The following MYOT variants were observed in gnomAD, a reference collection of about 807,000 sequenced individuals.
MYOT encodes the protein myotilin.
A neutral mutation model predicts 58.0 loss-of-function variants in MYOT; 36 were observed. The observed-to-expected ratio is 0.62, with a 90% CI of 0.48 to 0.82. The LOEUF (loss-of-function observed/expected upper bound fraction) is 0.82. Ranked by LOEUF, MYOT falls within the 40% of genes least tolerant of loss-of-function variation. The probability of loss-of-function intolerance (pLI) is 0.00; values close to 1 mark genes in which losing one functional copy is unlikely to be tolerated. For synonymous variants in MYOT, 218 were observed against 204.6 expected (o/e 1.07, Z -0.56); for missense variants, 505 against 592.1 (o/e 0.85, Z 1.53).
intron 4 of MYOT, among the ~76,000 whole-genome samples, chr5:137,878,540 G>C (rs1755307611): frequency 6.6e-6 from 1 of 152,058 alleles, no homozygotes; most frequent in Non-Finnish European, 1.5e-5. Context: ...ATGTACAGTT[G>C]GTGGCTGGGC....
At chr5:137,879,456 C>A (rs1452833683) in intron 4 of MYOT, among the ~76,000 whole-genome samples, 1 of 149,884 alleles carries the variant, frequency 6.7e-6, no homozygotes, top group African/African-American at 2.4e-5. Context: ...AAAAATGAGA[C>A]ACAAACTCAT....
chr5:137,886,836 T>C (rs1460393608), intron 8 of MYOT, 28 bp from the exon 9 acceptor site: 1 of 1,473,972 alleles, frequency 6.8e-7, no homozygotes, highest in African/African-American at 1.4e-5. Context: ...ATTCCTGTAC[T>C]TTCATTTCTT....
At chr5:137,868,313 A>AT (rs1274352054) in intron 1 of MYOT, among the ~76,000 whole-genome samples, 4 of 152,202 alleles carry the variant, frequency 2.6e-5, no homozygotes, top group Admixed American at 1.3e-4. Context: ...AAATGTTAAG[A>AT]TTTTTTAAAA....
Position 137,870,705 on chromosome 5 carries a change from C to T in MYOT, c.54C>T (p.Gly18=). The change falls in exon 2 of 10, where the codon GGC becomes GGT. Residue 18 remains glycine (G), a synonymous_variant. Coordinates refer to ENST00000239926, the MANE Select transcript of MYOT (RefSeq NM_006790.3). ...TCATCCAGTCCCAAAACCCATGTGGCTCCAGATTGCAGCCTCCTGGACCAG... is the reference window on the plus strand; with the variant it reads ...TCATCCAGTCCCAAAACCCATGTGGTTCCAGATTGCAGCCTCCTGGACCAG... ...KHFIQSQNPC[G]SRLQPPGPET... is the part of the protein sequence containing the mutation. 6.2e-7 allele frequency: 1 copy of T among 1,614,216 alleles called. No individual in the cohort carries two copies. Among genetic ancestry groups the T allele is most frequent in the South Asian group, 1.1e-5 (1 of 91,080 alleles).
chr5:137,868,943 T>A (rs1754955876), intron 1 of MYOT, among the ~76,000 whole-genome samples: 1 of 152,220 alleles, frequency 6.6e-6, no homozygotes. Context: ...AATTAAGGAA[T>A]ATTTAACTTT....
intron 5 of MYOT, 89 bp from the exon 6 acceptor site, chr5:137,881,881 GAAA>G (rs1392153752): frequency 2.5e-6 from 3 of 1,180,062 alleles, no homozygotes; most frequent in Non-Finnish European, 3.5e-6. Context: ...AAACTCCATT[GAAA>G]AAAAAAAATT....
rs185038490 is a variant in MYOT at position 137,873,823 on chromosome 5, C to T, written c.357-2006C>T. Among the ~76,000 whole-genome samples, 347 of 152,262 alleles carry T rather than the reference C, an allele frequency of 2.3e-3. 1 individual carries two copies. The highest frequency in any genetic ancestry group is 8.0e-3 in the African/African-American group (332 of 41,548). ...CTGAATACTATGAAAATCACTCATT[C>T]ACTCAACTGATAGTATCTCCTATAC... On this transcript the variant is annotated intron_variant, in intron 2 of 9. Coordinates refer to ENST00000239926, the MANE Select transcript of MYOT (RefSeq NM_006790.3).
chr5:137,876,108 A>G, intron 3 of MYOT, 105 bp downstream of exon 3: 1 of 1,174,758 alleles, frequency 8.5e-7, no homozygotes, highest in Non-Finnish European at 1.2e-6. Flanking sequence ...TCAACAAGGA[A>G]TAAGATTATC....
chr5:137,868,583 A>G (rs1754943298), intron 1 of MYOT, among the ~76,000 whole-genome samples: 1 of 152,238 alleles, frequency 6.6e-6, no homozygotes. Context: ...ATGTAGGCCA[A>G]TATCAACATG....
intron 2 of MYOT, among the ~76,000 whole-genome samples, chr5:137,874,387 A>T (rs1247428481): frequency 6.6e-6 from 1 of 152,168 alleles, no homozygotes; most frequent in Non-Finnish European, 1.5e-5. Flanking sequence ...GAATCACCTG[A>T]ACCCGGGAGG....
rs1160052475 is a variant in MYOT, at chr5:137,882,084, A to G, written c.795A>G (p.Arg265=). 6.2e-7 allele frequency: 1 copy of G among 1,614,118 alleles called. No individual in the cohort carries two copies. The highest frequency in any genetic ancestry group is 1.3e-5 in the African/African-American group (1 of 74,956). Reference sequence around the variant, plus strand: ...AGAACATGTCGATTGATGAAGGAAGATTCTGCAGAATGGACTTCAAAGTAA... The same window carrying G: ...AGAACATGTCGATTGATGAAGGAAGGTTCTGCAGAATGGACTTCAAAGTAA... ...VPENMSIDEG[R]FCRMDFKVSG... The change falls in exon 6 of 10, where the codon AGA becomes AGG. Residue 265 remains arginine (R), a synonymous_variant. Transcript: ENST00000239926.
In MYOT at chr5:137,877,702, C is replaced by T. The variant is rs1755277747; in HGVS notation, c.633+81C>T. 3.5e-5 allele frequency: 36 copies of T among 1,028,966 alleles called. 1 individual carries two copies. In the South Asian group the frequency reaches 4.4e-4, roughly 13 times the overall value. The allele number at this position is 1,028,966 out of a possible 1,614,324, so 63.7% of individuals were successfully genotyped here. A position where few individuals can be genotyped will look rare whatever the true frequency, so the allele number is the denominator to read the frequency against. ...TGCTTTTCTAAATGCTTATAAATAG[C>T]ATCTGAAATAAAAGTCGGTCAGTTC... On this transcript the variant is annotated intron_variant, in intron 4 of 9. Transcript: ENST00000239926.
chr5:137,877,936 A>G (rs1156256014), intron 4 of MYOT, among the ~76,000 whole-genome samples: 1 of 152,218 alleles, frequency 6.6e-6, no homozygotes, highest in Non-Finnish European at 1.5e-5. Context: ...GACAGGGAAT[A>G]TATGGGTTGT....
chr5:137,879,475 G>C (rs992672821), intron 4 of MYOT, among the ~76,000 whole-genome samples: 7 of 151,010 alleles, frequency 4.6e-5, no homozygotes, highest in Non-Finnish European at 8.8e-5. Flanking sequence ...ATCACTATTA[G>C]GGGAATTACT....
chr5:137,870,900 A>G lies in MYOT; in HGVS notation c.249A>G (p.Gln83=), dbSNP rs746724861. Residue 83 remains glutamine (Q), a synonymous_variant, in exon 2 of 10, where the codon CAA becomes CAG. Transcript: ENST00000239926. ...PQQHAGSNPG[Q]RVTTTYNQSP... is the part of the protein sequence containing the mutation. ...AGCATGCTGGCTCCAACCCAGGCCA[A>G]AGGGTTACAACCACCTATAACCAGT... 6.2e-7 allele frequency: 1 copy of G among 1,614,136 alleles called. No homozygotes were observed. Among genetic ancestry groups the G allele is most frequent in the Admixed American group, 1.7e-5 (1 of 60,020 alleles).
rs199760778 is a variant in MYOT at position 137,870,796 on chromosome 5, G to A, written c.145G>A (p.Glu49Lys). The A allele has an allele frequency of 2.5e-6, 4 of 1,614,134 alleles. No homozygotes were observed. Among genetic ancestry groups the A allele is most frequent in the South Asian group, 1.1e-5 (1 of 91,084 alleles). Residue 49 changes from glutamate to lysine, a missense_variant, in exon 2 of 10, where the codon GAG (glutamate) becomes AAG (lysine). Physicochemically the swap from Glu to Lys is moderately conservative, Grantham distance 56. Coordinates refer to ENST00000239926, the MANE Select transcript of MYOT (RefSeq NM_006790.3). Reference protein sequence around the residue: ...SIIIQPRQCTEQRFSASSTLS... With the variant: ...SIIIQPRQCTKQRFSASSTLS... ...TATCATCCAGCCCCGCCAGTGTACA[G>A]AGCAAAGATTTTCTGCCTCCTCAAC...
At chr5:137,880,768 C>G (rs1755401179) in intron 4 of MYOT, 48 bp from the exon 5 acceptor site, 1 of 1,470,970 alleles carries the variant, frequency 6.8e-7, no homozygotes, top group Non-Finnish European at 9.5e-7. Flanking sequence ...CTGCTTCATT[C>G]AAGCTAACAA....
chr5:137,877,719 G>A (rs574288688), intron 4 of MYOT, 98 bp downstream of exon 4: 26 of 884,180 alleles, frequency 2.9e-5, no homozygotes, highest in East Asian at 1.3e-4. Flanking sequence ...AATAAAAGTC[G>A]GTCAGTTCCA....
At position 137,887,387 on chromosome 5, in the gene MYOT, A is replaced by C; in HGVS notation, c.*2A>C. 2 of 1,613,870 alleles carry C rather than the reference A, an allele frequency of 1.2e-6. No homozygotes were observed. Among genetic ancestry groups the C allele is most frequent in the Non-Finnish European group, 1.7e-6 (2 of 1,179,834 alleles). ...CTCTATGAAAGTGAAGAACTTTAAT[A>C]ACTTTACCAACATTGGAAAACAGCC... On this transcript the variant is annotated 3_prime_UTR_variant, in exon 10 of 10. Coordinates refer to ENST00000239926, the MANE Select transcript of MYOT (RefSeq NM_006790.3).
Sources: gnomAD v4.1 joint callset for allele counts (sites outside exome capture counted in the v4.1 genomes callset) on GRCh38, gnomAD v4.1.1 for gene constraint, MANE v1.5 for transcripts, NCBI Gene and HGNC (gene_info 2026-07-23, HGNC 2026-07-21) for gene names.